Variants in NTF3 observed in about 807,000 individuals in gnomAD.
The protein encoded by NTF3 is neurotrophin 3.
Under a neutral mutation model 26.3 loss-of-function variants are expected in NTF3, and 8 were observed. The ratio of observed to expected loss-of-function variants is 0.30; its 90% CI spans 0.18 to 0.55. The LOEUF (loss-of-function observed/expected upper bound fraction) is 0.55, where lower values mean the gene tolerates loss of function less well. Among genes scored for constraint, NTF3 ranks in the 20% least tolerant of loss-of-function variants. The pLI, the probability that NTF3 is intolerant of heterozygous loss-of-function variation, is 0.93. For synonymous variants in NTF3, 154 were observed against 145.5 expected (o/e 1.06, Z -0.42); for missense variants, 276 against 352.9 (o/e 0.78, Z 1.75).
chr12:5,439,730 C>T (rs747249079), intron 1 of NTF3, among the ~76,000 whole-genome samples: 5 of 152,258 alleles, frequency 3.3e-5, no homozygotes, highest in East Asian at 1.9e-4. Context: ...CACACGCCCA[C>T]GAGAGGTGGT....
intron 1 of NTF3, among the ~76,000 whole-genome samples, chr12:5,493,569 T>C (rs542931408): frequency 6.6e-6 from 1 of 152,234 alleles, no homozygotes; most frequent in South Asian, 2.1e-4. Context: ...CCCTGGAACG[T>C]AGGCCCTCTC....
intron 1 of NTF3, among the ~76,000 whole-genome samples, chr12:5,481,892 A>T (rs1940809565): frequency 6.6e-6 from 1 of 151,862 alleles, no homozygotes. Flanking sequence ...GCATACATAT[A>T]CACAACACAC....
intron 1 of NTF3, among the ~76,000 whole-genome samples, chr12:5,484,829 C>A (rs1031666146): frequency 2.0e-5 from 3 of 152,172 alleles, no homozygotes; most frequent in Non-Finnish European, 2.9e-5. Context: ...AGAAACACTG[C>A]TCAGGAACTG....
chr12:5,476,718 G>A (rs1940729356), intron 1 of NTF3, among the ~76,000 whole-genome samples: 1 of 152,154 alleles, frequency 6.6e-6, no homozygotes, highest in South Asian at 2.1e-4. Context: ...GTCCAACAAG[G>A]GGGTGTCATC....
chr12:5,457,355 C>T (rs139716784), intron 1 of NTF3, among the ~76,000 whole-genome samples: 148 of 152,290 alleles, frequency 9.7e-4, no homozygotes, highest in Admixed American at 2.8e-3. Context: ...TGCTTAAACC[C>T]CTTGCAATCT....
intron 1 of NTF3, among the ~76,000 whole-genome samples, chr12:5,465,319 T>C (rs1940576254): frequency 6.6e-6 from 1 of 152,226 alleles, no homozygotes; most frequent in African/African-American, 2.4e-5. Flanking sequence ...TGACACACCT[T>C]TGATCTGGAA....
At chr12:5,472,161 C>T (rs1940673010) in intron 1 of NTF3, among the ~76,000 whole-genome samples, 1 of 152,086 alleles carries the variant, frequency 6.6e-6, no homozygotes, top group South Asian at 2.1e-4. Flanking sequence ...ATTTGACATT[C>T]CTACACACTG....
intron 1 of NTF3, among the ~76,000 whole-genome samples, chr12:5,464,119 C>T (rs893702335): frequency 2.4e-4 from 36 of 152,182 alleles, no homozygotes; most frequent in African/African-American, 6.8e-4. Context: ...AGGTAGACAG[C>T]GTGACTGTTC....
chr12:5,463,927 A>G (rs1237818879), intron 1 of NTF3, among the ~76,000 whole-genome samples: 2 of 152,172 alleles, frequency 1.3e-5, no homozygotes, highest in African/African-American at 4.8e-5. Flanking sequence ...TAAGTGATTT[A>G]TTTTTATTTC....
rs1168889610 is a variant in NTF3, at chr12:5,469,464, G to T, written c.19-24730G>T. 9.9e-5 allele frequency among the ~76,000 whole-genome samples: 15 copies of T among 152,232 alleles called. No individual in the cohort carries two copies. In the South Asian group the frequency reaches 3.1e-3, roughly 32 times the overall value. ...GAACTGCACTGGCAGGCATCTTTAGGGGCCCAGGTCACAATCATGGGGCCG... is the reference window on the plus strand; with the variant it reads ...GAACTGCACTGGCAGGCATCTTTAGTGGCCCAGGTCACAATCATGGGGCCG... On this transcript the variant is annotated intron_variant, in intron 1 of 1. Transcript: ENST00000423158.
upstream of NTF3, among the ~76,000 whole-genome samples, chr12:5,431,063 G>T (rs1940080206): frequency 6.6e-6 from 1 of 152,162 alleles, no homozygotes; most frequent in African/African-American, 2.4e-5. Context: ...ACGGCTCGGA[G>T]CAAGTGAGGT....
chr12:5,447,293 C>T (rs986692899), intron 1 of NTF3, among the ~76,000 whole-genome samples: 1 of 152,170 alleles, frequency 6.6e-6, no homozygotes, highest in African/African-American at 2.4e-5. Context: ...TAATCTAGAA[C>T]ATGTTTGCAA....
intron 1 of NTF3, among the ~76,000 whole-genome samples, chr12:5,455,281 G>A (rs1023264702): frequency 2.0e-5 from 3 of 152,220 alleles, no homozygotes; most frequent in African/African-American, 7.2e-5. Context: ...ATCCCCATTA[G>A]TATTCTTTGA....
At chr12:5,470,160 G>A (rs1278083510) in intron 1 of NTF3, among the ~76,000 whole-genome samples, 2 of 152,138 alleles carry the variant, frequency 1.3e-5, no homozygotes, top group Non-Finnish European at 2.9e-5. Flanking sequence ...TCCTGACCTC[G>A]TGATCCACCC....
At chr12:5,434,713 G>C (rs1247931713) in intron 1 of NTF3, among the ~76,000 whole-genome samples, 1 of 152,126 alleles carries the variant, frequency 6.6e-6, no homozygotes, top group Non-Finnish European at 1.5e-5. Flanking sequence ...CAGATGGCTT[G>C]TGCATGCCTG....
At chr12:5,455,568 A>C in intron 1 of NTF3, among the ~76,000 whole-genome samples, 1 of 146,464 alleles carries the variant, frequency 6.8e-6, no homozygotes, top group Non-Finnish European at 1.5e-5. Context: ...ACACACACAC[A>C]CACACACACA....
In NTF3 at chr12:5,487,918, G is replaced by A. The variant is rs147636440; in HGVS notation, c.19-6276G>A. ...TTTTCCGTGACTTTAGAGCATGTGC[G>A]TCAGCAGGTTTTGGGGACCATCTCT... On this transcript the variant is annotated intron_variant, in intron 1 of 1. Coordinates refer to ENST00000423158, the MANE Select transcript of NTF3 (RefSeq NM_001102654.2). Among the ~76,000 whole-genome samples the A allele has an allele frequency of 1.7e-3, 258 of 152,246 alleles. 1 individual carries two copies. The highest frequency in any genetic ancestry group is 5.6e-3 in the African/African-American group (234 of 41,546).
At chr12:5,446,913 G>A (rs962270566) in intron 1 of NTF3, among the ~76,000 whole-genome samples, 6 of 152,186 alleles carry the variant, frequency 3.9e-5, no homozygotes, top group African/African-American at 1.2e-4. Flanking sequence ...TGCGAGAACC[G>A]GATGGTAGCC....
chr12:5,444,199 C>A (rs114602548), intron 1 of NTF3, among the ~76,000 whole-genome samples: 1 of 152,162 alleles, frequency 6.6e-6, no homozygotes, highest in Non-Finnish European at 1.5e-5. Flanking sequence ...CCATTAGAGA[C>A]GGTCAGCTTT....
Sources: gnomAD v4.1 joint callset for allele counts (sites outside exome capture counted in the v4.1 genomes callset) on GRCh38, gnomAD v4.1.1 for gene constraint, MANE v1.5 for transcripts, NCBI Gene and HGNC (gene_info 2026-07-23, HGNC 2026-07-21) for gene names.